The following CLMP variants were observed in gnomAD, a reference collection of about 807,000 sequenced individuals.
CLMP encodes the protein CXADR-like membrane protein.
In CLMP, 27 loss-of-function variants were observed where a neutral mutation model predicts 45.2. That is an observed-to-expected ratio of 0.60 (90% confidence interval 0.44 to 0.82). The LOEUF (loss-of-function observed/expected upper bound fraction) is 0.82, where lower values mean the gene tolerates loss of function less well. Among genes scored for constraint, CLMP ranks in the 40% least tolerant of loss-of-function variants. The probability of loss-of-function intolerance (pLI) is 0.00; values close to 1 mark genes in which losing one functional copy is unlikely to be tolerated. For synonymous variants in CLMP, 167 were observed against 171.4 expected (o/e 0.97, Z 0.20); for missense variants, 403 against 448.4 (o/e 0.90, Z 0.91).
At chr11:123,160,695 G>C (rs1433307447) in intron 1 of CLMP, among the ~76,000 whole-genome samples, 2 of 152,064 alleles carry the variant, frequency 1.3e-5, no homozygotes, top group Non-Finnish European at 2.9e-5. Context: ...GTTGACAAGG[G>C]GGAGGGGTGC....
chr11:123,118,987 T>C (rs867271917), intron 1 of CLMP, among the ~76,000 whole-genome samples: 118 of 35,144 alleles, frequency 3.4e-3, no homozygotes, highest in South Asian at 7.8e-3. Context: ...CTTTCTTTCT[T>C]TCTTTCTTTC....
chr11:123,146,229 C>T (rs532132127), intron 1 of CLMP, among the ~76,000 whole-genome samples: 82 of 152,216 alleles, frequency 5.4e-4, no homozygotes, highest in African/African-American at 1.9e-3. Flanking sequence ...GGATTTCTTC[C>T]CTGTTAAAAT....
At chr11:123,157,769 G>T (rs980665889) in intron 1 of CLMP, among the ~76,000 whole-genome samples, 1 of 150,402 alleles carries the variant, frequency 6.6e-6, no homozygotes, top group Non-Finnish European at 1.5e-5. Context: ...GCCCAAAGTG[G>T]AGTTACCGGC....
At chr11:123,162,577 C>T (rs1189513567) in intron 1 of CLMP, among the ~76,000 whole-genome samples, 2 of 151,804 alleles carry the variant, frequency 1.3e-5, no homozygotes, top group Non-Finnish European at 2.9e-5. Flanking sequence ...GATGAAGGAG[C>T]TTATAGTCCA....
chr11:123,128,883 C>T (rs1046411566), intron 1 of CLMP, among the ~76,000 whole-genome samples: 2 of 152,132 alleles, frequency 1.3e-5, no homozygotes, highest in Non-Finnish European at 2.9e-5. Flanking sequence ...CAACCCCATA[C>T]AATAGGTATG....
chr11:123,180,730 A>C (rs1432922292), intron 1 of CLMP, among the ~76,000 whole-genome samples: 1 of 152,082 alleles, frequency 6.6e-6, no homozygotes, highest in Non-Finnish European at 1.5e-5. Flanking sequence ...GCGCTCACTG[A>C]GGTGGTGTTT....
At chr11:123,077,105 T>A (rs1206048841) in intron 5 of CLMP, among the ~76,000 whole-genome samples, 1 of 150,610 alleles carries the variant, frequency 6.6e-6, no homozygotes, top group Non-Finnish European at 1.5e-5. Flanking sequence ...TTCAAGTGAT[T>A]CTCCTGCCTC....
chr11:123,148,811 A>G (rs1861272995), intron 1 of CLMP, among the ~76,000 whole-genome samples: 1 of 152,212 alleles, frequency 6.6e-6, no homozygotes, highest in Admixed American at 6.5e-5. Context: ...AGAAATGTAT[A>G]TGAGCAAGAC....
At chr11:123,175,680 AATT>A (rs752585930) in intron 1 of CLMP, among the ~76,000 whole-genome samples, 15 of 152,178 alleles carry the variant, frequency 9.9e-5, no homozygotes, top group Non-Finnish European at 1.9e-4. Context: ...GCTTTGGCTC[AATT>A]ATTATTTATT....
In CLMP at chr11:123,083,073, T is replaced by C. The variant is rs1188429823; in HGVS notation, c.679+12A>G. The stretch of plus-strand genomic sequence containing the variant: ...ACAGAAAAATGAAACTAAAACCTCT[T>C]TGGATGCTTACACTGTACAGTTACT... On this transcript the variant is annotated intron_variant, in intron 5 of 6. Coordinates refer to ENST00000448775, the MANE Select transcript of CLMP (RefSeq NM_024769.5). 1 of 1,612,680 alleles carries C rather than the reference T, an allele frequency of 6.2e-7. No individual in the cohort carries two copies. Among genetic ancestry groups the C allele is most frequent in the Admixed American group, 1.7e-5 (1 of 59,448 alleles).
intron 1 of CLMP, among the ~76,000 whole-genome samples, chr11:123,156,725 G>T (rs985076501): frequency 3.3e-5 from 5 of 152,204 alleles, no homozygotes; most frequent in African/African-American, 1.2e-4. Flanking sequence ...ATGTGAGGGG[G>T]AGATGCCCAG....
intron 1 of CLMP, among the ~76,000 whole-genome samples, chr11:123,117,567 C>T (rs1369841988): frequency 6.6e-6 from 1 of 151,688 alleles, no homozygotes. Flanking sequence ...GCTGGGATTA[C>T]AGGCACTCGC....
At chr11:123,141,055 C>G (rs1337499293) in intron 1 of CLMP, among the ~76,000 whole-genome samples, 2 of 152,078 alleles carry the variant, frequency 1.3e-5, no homozygotes, top group African/African-American at 4.8e-5. Flanking sequence ...ACCATGATTG[C>G]AAGCTTCCCA....
At chr11:123,141,173 C>CTTTTGTTTTTTTTTT (rs1861151510) in intron 1 of CLMP, among the ~76,000 whole-genome samples, 1 of 80,808 alleles carries the variant, frequency 1.2e-5, no homozygotes, top group African/African-American at 5.6e-5. Context: ...TCAGGCATTC[C>CTTTTGTTTTTTTTTT]TTTTTTTTTT....
intron 1 of CLMP, among the ~76,000 whole-genome samples, chr11:123,150,522 A>AGGAAGGAAGGAC (rs1299885979): frequency 7.6e-6 from 1 of 130,958 alleles, no homozygotes; most frequent in Non-Finnish European, 1.6e-5. Context: ...GAAGGAAGGA[A>AGGAAGGAAGGAC]GGAAGGAAAG....
chr11:123,074,619 CTG>C, intron 6 of CLMP, 81 bp downstream of exon 6: 1 of 1,375,966 alleles, frequency 7.3e-7, no homozygotes, highest in East Asian at 2.3e-5. Context: ...TAAGAGAAAA[CTG>C]GGAACATTTA....
At chr11:123,112,799 A>T (rs1040468652) in intron 1 of CLMP, among the ~76,000 whole-genome samples, 1 of 133,468 alleles carries the variant, frequency 7.5e-6, no homozygotes, top group South Asian at 2.4e-4. Context: ...TTTGAGACGA[A>T]GTCTCGCTCT....
Position 123,106,710 on chromosome 11 carries a change from T to C in CLMP, c.29-8758A>G, listed in dbSNP as rs1229931340. Among the ~76,000 whole-genome samples the C allele has an allele frequency of 2.0e-5, 3 of 152,184 alleles. No individual in the cohort carries two copies. The East Asian group carries it at 5.8e-4, about 30-fold the overall frequency. ...TGGTATGTAGCACACACTCAGCAAA[T>C]GGCAACTACTATTAATAATTGTACT... is the stretch of plus-strand genomic sequence containing the variant. On this transcript the variant is annotated intron_variant, in intron 1 of 6. Transcript: ENST00000448775.
chr11:123,169,132 A>G (rs4936781), intron 1 of CLMP, among the ~76,000 whole-genome samples: 2,502 of 152,288 alleles, frequency 0.016, 115 homozygotes, highest in Admixed American at 0.09. Flanking sequence ...GGGCTCCCCA[A>G]AGCAGCTGGG....
Sources: allele counts gnomAD v4.1 joint callset (sites outside exome capture counted in the v4.1 genomes callset), GRCh38; gene constraint gnomAD v4.1.1; transcripts MANE v1.5; gene names NCBI Gene and HGNC (gene_info 2026-07-23, HGNC 2026-07-21).